Variants in CCDC32 observed in about 807,000 individuals in gnomAD.
CCDC32 encodes coiled-coil domain containing 32.
In CCDC32, 9 loss-of-function variants were observed where a neutral mutation model predicts 20.1. That is an observed-to-expected ratio of 0.45 (90% confidence interval 0.27 to 0.78). The LOEUF is 0.78. CCDC32 is among the 30% of genes least tolerant of loss of function. The probability of loss-of-function intolerance (pLI) is 0.16; values close to 1 mark genes in which losing one functional copy is unlikely to be tolerated. For synonymous variants in CCDC32, 63 were observed against 79.0 expected, an observed-to-expected ratio of 0.80 and a Z score of 1.07; for missense variants, 204 against 215.5, an observed-to-expected ratio of 0.95 and a Z score of 0.33.
At chr15:40,523,538 G>A in the CCDC32 span, among the ~76,000 whole-genome samples, 3 of 149,856 alleles carry the variant, frequency 2.0e-5, no homozygotes, top group Non-Finnish European at 3.0e-5. Context: ...AGGTGGATAA[G>A]TCTCTCTGGA....
At chr15:40,548,907 A>T (rs1217392333), downstream of CCDC32, among the ~76,000 whole-genome samples, 1 of 152,228 alleles carries the variant, frequency 6.6e-6, no homozygotes, top group Non-Finnish European at 1.5e-5. Context: ...TCACACTGGA[A>T]CATGAATGAG....
chr15:40,541,336 T>A (rs1173459495), intron 3 of CCDC32, among the ~76,000 whole-genome samples: 8 of 63,686 alleles, frequency 1.3e-4, no homozygotes, highest in African/African-American at 2.9e-4. Flanking sequence ...CTGTAATATT[T>A]TTTTTTTTTT....
chr15:40,539,882 C>CACACACACACA (rs1555413885), intron 3 of CCDC32, among the ~76,000 whole-genome samples: 2 of 67,194 alleles, frequency 3.0e-5, no homozygotes, highest in Admixed American at 1.9e-4. Flanking sequence ...ACACACACAC[C>CACACACACACA]CCGCTCCTTG....
downstream of CCDC32, among the ~76,000 whole-genome samples, chr15:40,528,224 GTCT>G (rs1337078806): frequency 6.6e-6 from 1 of 152,150 alleles, no homozygotes; most frequent in Non-Finnish European, 1.5e-5. Context: ...CACACACTTG[GTCT>G]TCTTTCTCCC....
Position 40,553,638 on chromosome 15 carries a change from T to G in CCDC32, c.*333A>C. 9.3e-7 allele frequency: 1 copy of G among 1,071,634 alleles called. No individual in the cohort carries two copies. 66.4% of individuals were successfully genotyped at this position (1,071,634 alleles called of 1,614,324 possible). A position where few individuals can be genotyped will look rare whatever the true frequency, so the allele number is the denominator to read the frequency against. ...CTCAGTTTCTCCAAGTACTTTCACA[T>G]TTGATCTTTAGCAGACTTCTAACCT... On this transcript the variant is annotated 3_prime_UTR_variant, in exon 4 of 4. Transcript: ENST00000416810.
intron 1 of CCDC32, among the ~76,000 whole-genome samples, chr15:40,563,329 C>G (rs1890784263): frequency 6.6e-6 from 1 of 152,100 alleles, no homozygotes; most frequent in African/African-American, 2.4e-5. Flanking sequence ...CGCCATTGCA[C>G]TCCAGCCTGG....
At chr15:40,543,610 G>A (rs1302161032) in intron 3 of CCDC32, among the ~76,000 whole-genome samples, 2 of 152,024 alleles carry the variant, frequency 1.3e-5, no homozygotes, top group East Asian at 3.9e-4. Context: ...GCACGCCACC[G>A]TGCCCAGCTA....
chr15:40,541,085 G>A (rs931137110), intron 3 of CCDC32, among the ~76,000 whole-genome samples: 6 of 152,180 alleles, frequency 3.9e-5, no homozygotes, highest in Admixed American at 1.3e-4. Context: ...AGATGCTCAC[G>A]CGCTGCCTCA....
At chr15:40,556,831 C>T (rs1890269361) in intron 3 of CCDC32, 1 of 123,594 alleles carries the variant, frequency 8.1e-6, no homozygotes, top group Admixed American at 9.0e-5. Context: ...GAGCGAGATT[C>T]CATCTCAAAA....
intron 3 of CCDC32, among the ~76,000 whole-genome samples, chr15:40,542,952 G>A (rs1457825586): frequency 7.3e-5 from 11 of 150,916 alleles, no homozygotes; most frequent in Non-Finnish European, 1.3e-4. Context: ...GAGCCCAGGA[G>A]TATGAGACCA....
chr15:40,563,830 T>C (rs1199493777), intron 1 of CCDC32, among the ~76,000 whole-genome samples: 5 of 151,190 alleles, frequency 3.3e-5, no homozygotes, highest in East Asian at 1.9e-4. Flanking sequence ...TTCTTTCTTT[T>C]TTTTTTTTGA....
intron 3 of CCDC32, among the ~76,000 whole-genome samples, chr15:40,545,339 C>T (rs11853942): frequency 0.25 from 37,864 of 150,698 alleles, 5,713 homozygotes; most frequent in Middle Eastern, 0.38. Flanking sequence ...TGCACACATA[C>T]ACACACACAC....
chr15:40,540,291 CT>C (rs1287272911), intron 3 of CCDC32, among the ~76,000 whole-genome samples: 1 of 152,002 alleles, frequency 6.6e-6, no homozygotes, highest in East Asian at 1.9e-4. Flanking sequence ...TTTGAAGTGT[CT>C]CCAAGGCTTT....
chr15:40,528,653 G>A (rs1894930149), downstream of CCDC32: 1 of 657,342 alleles, frequency 1.5e-6, no homozygotes, highest in African/African-American at 1.8e-5. Context: ...GGGCAGGGAT[G>A]TTACCCTGGT....
rs1404228533 is a variant in CCDC32, at chr15:40,553,733, T to G, written c.*238A>C. 3.0e-6 allele frequency: 4 copies of G among 1,336,138 alleles called. No individual in the cohort carries two copies. Among genetic ancestry groups the G allele is most frequent in the Non-Finnish European group, 3.8e-6 (4 of 1,043,982 alleles). The allele number at this position is 1,336,138 out of a possible 1,614,324, so 82.8% of individuals were successfully genotyped here. On this transcript the variant is annotated 3_prime_UTR_variant, in exon 4 of 4. Coordinates refer to ENST00000416810, the MANE Select transcript of CCDC32 (RefSeq NM_001080792.4). Reference sequence around the variant, plus strand: ...GCATTTTGATCCAGTGTGCACTGGGTCAGTCACTTCATCCGAGACAGTCAC... The same window carrying G: ...GCATTTTGATCCAGTGTGCACTGGGGCAGTCACTTCATCCGAGACAGTCAC...
At chr15:40,548,422 T>G (rs1399574922), downstream of CCDC32, among the ~76,000 whole-genome samples, 1 of 152,194 alleles carries the variant, frequency 6.6e-6, no homozygotes, top group Non-Finnish European at 1.5e-5. Context: ...ACTTAAAAAT[T>G]AGCTACTTAA....
At chr15:40,527,857 C>T (rs1776703331), downstream of CCDC32, among the ~76,000 whole-genome samples, 2 of 152,202 alleles carry the variant, frequency 1.3e-5, no homozygotes, top group East Asian at 1.9e-4. Context: ...GTAAGAAATA[C>T]ACTTCTTTTC....
chr15:40,539,164 C>T (rs1208079388), downstream of CCDC32: 3 of 1,323,070 alleles, frequency 2.3e-6, no homozygotes, highest in Non-Finnish European at 2.1e-6. Flanking sequence ...CCAGCTCCCG[C>T]TCAAACCTGA....
chr15:40,542,684 C>T (rs933249937), intron 3 of CCDC32, among the ~76,000 whole-genome samples: 6 of 151,804 alleles, frequency 4.0e-5, no homozygotes, highest in Non-Finnish European at 7.4e-5. Context: ...CTGGCTAATA[C>T]GGTGAAACCC....
Sources: gnomAD v4.1 joint callset for allele counts (sites outside exome capture counted in the v4.1 genomes callset) on GRCh38, gnomAD v4.1.1 for gene constraint, MANE v1.5 for transcripts, NCBI Gene and HGNC (gene_info 2026-07-23, HGNC 2026-07-21) for gene names.